ABCB5: variants seen among roughly 807,000 people sequenced by gnomAD.
ABCB5 encodes the protein ATP binding cassette subfamily B member 5, also known as ATP-binding cassette sub-family B member 5.
In ABCB5, 155 loss-of-function variants were observed where a neutral mutation model predicts 144.2. That is an observed-to-expected ratio of 1.08 (90% confidence interval 0.94 to 1.23). The LOEUF is 1.23. ABCB5 is among the 50% of genes most tolerant of loss of function. ABCB5 has a pLI of 0.00. For synonymous variants in ABCB5, 610 were observed against 528.6 expected, an observed-to-expected ratio of 1.15 and a Z score of -2.11; for missense variants, 1,830 against 1,520.8, an observed-to-expected ratio of 1.20 and a Z score of -3.38.
rs148059540 is a variant in ABCB5 at position 20,715,228 on chromosome 7, C to A, written c.2422-7788C>A. Among the ~76,000 whole-genome samples the A allele has an allele frequency of 2.3e-3, 347 of 151,988 alleles. 8 individuals carry two copies. The East Asian group carries it at 0.052, about 23-fold the overall frequency. ...CCAGTTAATTTTTTTGTATTTTTAG[C>A]AGAAATGGAGTTTCACCACATTGGC... On this transcript the variant is annotated intron_variant, in intron 20 of 27. Transcript: ENST00000404938.
chr7:20,655,960 T>C (rs1462166504), intron 13 of ABCB5, among the ~76,000 whole-genome samples: 1 of 152,202 alleles, frequency 6.6e-6, no homozygotes, highest in Non-Finnish European at 1.5e-5. Context: ...ATCAGTACAA[T>C]GGAACAGAGA....
At chr7:20,725,602 G>T (rs534388959) in intron 21 of ABCB5, among the ~76,000 whole-genome samples, 1 of 152,192 alleles carries the variant, frequency 6.6e-6, no homozygotes, top group South Asian at 2.1e-4. Flanking sequence ...AAAAGACTTT[G>T]AATAGCTTAA....
chr7:20,698,293 G>T, intron 16 of ABCB5, 114 bp from the exon 17 acceptor site: 5 of 853,830 alleles, frequency 5.9e-6, no homozygotes, highest in Non-Finnish European at 6.6e-6. Context: ...TTTCTACCCT[G>T]CTGTCTGTTA....
chr7:20,659,064 A>G (rs772797195), intron 14 of ABCB5: 20 of 1,613,682 alleles, frequency 1.2e-5, no homozygotes, highest in Non-Finnish European at 1.7e-6. Context: ...TTTCTTCTTT[A>G]GGATACCCCC....
At chr7:20,684,819 T>C (rs1373469780) in intron 15 of ABCB5, among the ~76,000 whole-genome samples, 1 of 152,142 alleles carries the variant, frequency 6.6e-6, no homozygotes, top group Non-Finnish European at 1.5e-5. Flanking sequence ...TGGAAACTCT[T>C]CCATGTGCAC....
chr7:20,647,917 C>A, intron 10 of ABCB5, 51 bp from the exon 11 acceptor site: 2 of 1,227,974 alleles, frequency 1.6e-6, no homozygotes, highest in African/African-American at 1.5e-5. Context: ...AATGTAGAGA[C>A]TGTCAGTTTA....
intron 20 of ABCB5, among the ~76,000 whole-genome samples, chr7:20,709,056 T>G (rs1237623598): frequency 6.6e-6 from 1 of 152,210 alleles, no homozygotes; most frequent in African/African-American, 2.4e-5. Context: ...CAGGAAAAAC[T>G]ACTCAAAATA....
rs1784470811 is a variant in ABCB5, at chr7:20,648,166, C to A, written c.1206+88C>A. 6.1e-6 allele frequency: 5 copies of A among 814,942 alleles called. No homozygotes were observed. The South Asian group carries it at 8.8e-5, about 14-fold the overall frequency. The allele number at this position is 814,942 out of a possible 1,614,324, so 50.5% of individuals were successfully genotyped here. The stretch of plus-strand genomic sequence containing the variant: ...CTTCTCTGACATGATTACTTAGGAT[C>A]ACTTTTTTCCAAGATTTTGGCTACT... On this transcript the variant is annotated intron_variant, in intron 11 of 27. Coordinates refer to ENST00000404938, the MANE Select transcript of ABCB5 (RefSeq NM_001163941.2).
chr7:20,642,631 T>A (rs751142457), intron 5 of ABCB5, among the ~76,000 whole-genome samples: 1 of 152,248 alleles, frequency 6.6e-6, no homozygotes, highest in African/African-American at 2.4e-5. Flanking sequence ...GGGCACTCAG[T>A]ATACATTTAT....
intron 2 of ABCB5, among the ~76,000 whole-genome samples, chr7:20,624,174 G>A (rs1464103013): frequency 6.6e-6 from 1 of 152,208 alleles, no homozygotes; most frequent in African/African-American, 2.4e-5. Context: ...GGGATGCTGA[G>A]GGGACAGGTT....
intron 5 of ABCB5, among the ~76,000 whole-genome samples, chr7:20,635,086 G>A (rs896188930): frequency 6.6e-6 from 1 of 152,020 alleles, no homozygotes; most frequent in Non-Finnish European, 1.5e-5. Context: ...TGTATATGGT[G>A]AGAGATAAGG....
intron 9 of ABCB5, chr7:20,647,223 C>G: frequency 2.0e-6 from 2 of 1,021,642 alleles, no homozygotes; most frequent in Non-Finnish European, 2.4e-6. Flanking sequence ...CAGCACACTT[C>G]AGTTAGCAGA....
chr7:20,750,985 G>A (rs7789213), intron 26 of ABCB5, among the ~76,000 whole-genome samples: 2,863 of 152,146 alleles, frequency 0.019, 81 homozygotes, highest in African/African-American at 0.061. Context: ...GCTCTCAGTC[G>A]AGCCACATCC....
chr7:20,651,460 G>A lies in ABCB5; in HGVS notation c.1373G>A (p.Arg458Gln), dbSNP rs115575346. The change falls in exon 13 of 28, where the codon CGG becomes CAG. Residue 458 changes from arginine (R) to glutamine (Q), a missense_variant. Coordinates refer to ENST00000404938, the MANE Select transcript of ABCB5 (RefSeq NM_001163941.2). ...AATGACATCAGAGCTTTAAATGTGC[G>A]GCATTATCGAGACCATATTGGAGTG... Reference protein sequence around the residue: ...DENDIRALNVRHYRDHIGVVS... With the variant: ...DENDIRALNVQHYRDHIGVVS... 180 of 1,613,968 alleles carry A rather than the reference G, an allele frequency of 1.1e-4. 1 individual carries two copies. The African/African-American group carries it at 1.4e-3, about 13-fold the overall frequency.
In ABCB5 at chr7:20,681,681, A is replaced by C. The variant is rs1327833470; in HGVS notation, c.1869+15A>C. On this transcript the variant is annotated intron_variant, in intron 15 of 27. Coordinates refer to ENST00000404938, the MANE Select transcript of ABCB5 (RefSeq NM_001163941.2). ...TGATGTCACAGGTAATGCTTATGTG[A>C]CATAATGCTATGTCAGCAGGGTTTA... The C allele has an allele frequency of 6.2e-7, 1 of 1,610,540 alleles. No homozygotes were observed. Among genetic ancestry groups the C allele is most frequent in the Non-Finnish European group, 8.5e-7 (1 of 1,177,448 alleles).
intron 13 of ABCB5, among the ~76,000 whole-genome samples, chr7:20,652,824 C>T (rs1352503954): frequency 6.6e-6 from 1 of 152,176 alleles, no homozygotes; most frequent in Non-Finnish European, 1.5e-5. Context: ...AATTAAAATA[C>T]ATATAAAATT....
At chr7:20,645,339 G>A (rs966856230) in intron 7 of ABCB5, among the ~76,000 whole-genome samples, 9 of 152,114 alleles carry the variant, frequency 5.9e-5, no homozygotes, top group African/African-American at 2.2e-4. Flanking sequence ...ATCCAAGCAT[G>A]TCTTATATAA....
intron 14 of ABCB5, among the ~76,000 whole-genome samples, chr7:20,663,598 G>C (rs1562547931): frequency 6.6e-6 from 1 of 152,096 alleles, no homozygotes; most frequent in Non-Finnish European, 1.5e-5. Flanking sequence ...GGAAAGCGGG[G>C]AGTTAGTGTT....
chr7:20,642,284 C>G (rs1784310720), intron 5 of ABCB5, among the ~76,000 whole-genome samples: 2 of 152,280 alleles, frequency 1.3e-5, no homozygotes, highest in Admixed American at 6.5e-5. Context: ...CTGGAATGTG[C>G]TAAACAACTT....
Sources: gnomAD v4.1 joint callset for allele counts (sites outside exome capture counted in the v4.1 genomes callset) on GRCh38, gnomAD v4.1.1 for gene constraint, MANE v1.5 for transcripts, NCBI Gene and HGNC (gene_info 2026-07-23, HGNC 2026-07-21) for gene names.